PLOD2: variants seen among roughly 807,000 people sequenced by gnomAD.
PLOD2 encodes lysine hydroxylase 2.
Under a neutral mutation model 101.0 loss-of-function variants are expected in PLOD2, and 65 were observed. The observed-to-expected ratio is 0.64, with a 90% CI of 0.53 to 0.79. PLOD2 has a LOEUF of 0.79. PLOD2 is among the 30% of genes least tolerant of loss of function. PLOD2 has a pLI of 0.00. For missense variants in PLOD2, 909 were observed against 914.6 expected (o/e 0.99, Z 0.08); for synonymous variants, 314 against 302.9 (o/e 1.04, Z -0.38).
At chr3:146,137,896 C>T (rs757240969) in intron 1 of PLOD2, among the ~76,000 whole-genome samples, 5 of 152,000 alleles carry the variant, frequency 3.3e-5, no homozygotes, top group East Asian at 3.9e-4. Flanking sequence ...TGAAGGGCAA[C>T]GATAAATCAC....
At chr3:146,147,751 A>G (rs1010093150) in intron 1 of PLOD2, among the ~76,000 whole-genome samples, 2 of 152,188 alleles carry the variant, frequency 1.3e-5, no homozygotes, top group Non-Finnish European at 2.9e-5. Context: ...CAAGAAAAAT[A>G]ATTTCAGAAA....
chr3:146,138,640 C>A (rs1237198006), intron 1 of PLOD2, among the ~76,000 whole-genome samples: 1 of 152,000 alleles, frequency 6.6e-6, no homozygotes, highest in Non-Finnish European at 1.5e-5. Flanking sequence ...AGAGACTATG[C>A]AAGGGAAAAT....
At position 146,160,969 on chromosome 3, in the gene PLOD2, C is replaced by T. The variant is rs765885644; in HGVS notation, c.21G>A (p.Lys7=). 1.3e-6 allele frequency: 2 copies of T among 1,591,862 alleles called. No individual in the cohort carries two copies. Among genetic ancestry groups the T allele is most frequent in the East Asian group, 2.3e-5 (1 of 43,848 alleles). ...CGAGCGCCAGGAGCAGCAGCTGAGG[C>T]TTCACCGTGCATCCCCCCATATTCG... MGGCTV[K]PQLLLLALVL... The change falls in exon 1 of 20, where the codon AAG becomes AAA. Residue 7 remains lysine, a synonymous_variant. Coordinates refer to ENST00000282903, the MANE Select transcript of PLOD2 (RefSeq NM_182943.3).
At chr3:146,095,777 AT>A (rs1421645670) in intron 7 of PLOD2, among the ~76,000 whole-genome samples, 1 of 152,020 alleles carries the variant, frequency 6.6e-6, no homozygotes, top group Non-Finnish European at 1.5e-5. Flanking sequence ...TTGCAGCACT[AT>A]TTACAATAGC....
chr3:146,149,237 G>A (rs563906178), intron 1 of PLOD2, among the ~76,000 whole-genome samples: 18 of 152,174 alleles, frequency 1.2e-4, no homozygotes, highest in Admixed American at 2.0e-4. Context: ...ACTCTTTTTC[G>A]AAAGAAGTTT....
chr3:146,125,732 G>A (rs758508596), intron 1 of PLOD2, among the ~76,000 whole-genome samples: 28 of 151,958 alleles, frequency 1.8e-4, no homozygotes, highest in Non-Finnish European at 4.0e-4. Flanking sequence ...AGGTGATGAG[G>A]CCCTAGTAAA....
At chr3:146,081,572 T>C (rs1936541628) in intron 12 of PLOD2, among the ~76,000 whole-genome samples, 166 bp downstream of exon 12, 1 of 152,162 alleles carries the variant, frequency 6.6e-6, no homozygotes, top group East Asian at 1.9e-4. Flanking sequence ...TTTTAAGATA[T>C]TAGTTTTATA....
chr3:146,148,338 G>GCGCGCACACA (rs71633958), intron 1 of PLOD2, among the ~76,000 whole-genome samples: 11 of 146,544 alleles, frequency 7.5e-5, no homozygotes, highest in African/African-American at 2.8e-4. Context: ...AGGCAGGCAC[G>GCGCGCACACA]CACACACACA....
chr3:146,103,256 A>T (rs1200576259), intron 6 of PLOD2, among the ~76,000 whole-genome samples: 2 of 152,178 alleles, frequency 1.3e-5, no homozygotes, highest in African/African-American at 2.4e-5. Context: ...GGTTATTATG[A>T]AGATAATAAC....
intron 3 of PLOD2, among the ~76,000 whole-genome samples, chr3:146,115,088 C>T (rs1017050018): frequency 3.9e-5 from 6 of 152,118 alleles, no homozygotes; most frequent in African/African-American, 1.2e-4. Flanking sequence ...ATGTCTCCCC[C>T]GGACACCCAG....
At chr3:146,099,249 T>A (rs1353012162) in intron 7 of PLOD2, among the ~76,000 whole-genome samples, 1 of 152,178 alleles carries the variant, frequency 6.6e-6, no homozygotes, top group East Asian at 1.9e-4. Context: ...TTAGTGCTCC[T>A]TTTCTTGTGA....
In PLOD2 at chr3:146,113,751, G is replaced by A. The variant is rs116040247; in HGVS notation, c.339-3303C>T. On this transcript the variant is annotated intron_variant, in intron 3 of 19. Coordinates refer to ENST00000282903, the MANE Select transcript of PLOD2 (RefSeq NM_182943.3). ...ACTGTGCAAATCGTTAGTAAATCAT[G>A]TGTGTTTAAACAATATGAAATCTGG... Among the ~76,000 whole-genome samples, 1,378 of 152,214 alleles carry A rather than the reference G, an allele frequency of 9.1e-3. 15 individuals are homozygous for A. The highest frequency in any genetic ancestry group is 0.031 in the African/African-American group (1,304 of 41,512).
At chr3:146,128,904 T>G (rs978843753) in intron 1 of PLOD2, among the ~76,000 whole-genome samples, 38 of 143,334 alleles carry the variant, frequency 2.7e-4, no homozygotes, top group African/African-American at 9.6e-4. Flanking sequence ...TTTTTTTTTT[T>G]TTTTTGAGAC....
At chr3:146,124,013 A>C (rs1336041053) in intron 2 of PLOD2, 125 bp downstream of exon 2, 1 of 672,134 alleles carries the variant, frequency 1.5e-6, no homozygotes, top group South Asian at 1.6e-5. Context: ...AACTACATGA[A>C]CTAACAGTAA....
chr3:146,148,959 A>C (rs7613150), intron 1 of PLOD2, among the ~76,000 whole-genome samples: 5 of 152,088 alleles, frequency 3.3e-5, no homozygotes, highest in African/African-American at 4.8e-5. Context: ...TGCTACAACC[A>C]CAATAAGCAT....
intron 8 of PLOD2, among the ~76,000 whole-genome samples, chr3:146,090,428 T>C (rs1403628944): frequency 6.6e-6 from 1 of 151,490 alleles, no homozygotes; most frequent in Non-Finnish European, 1.5e-5. Context: ...AAAGAAAAAA[T>C]GTTAATATAA....
rs144061649 is a variant in PLOD2, at chr3:146,157,642, C to T, written c.109+3239G>A. The stretch of plus-strand genomic sequence containing the variant: ...TACAATCAGAGTTTATTTTAAGATG[C>T]TTTGTCCCATGTGTTGGATAGAAAA... On this transcript the variant is annotated intron_variant, in intron 1 of 19. Coordinates refer to ENST00000282903, the MANE Select transcript of PLOD2 (RefSeq NM_182943.3). 2.8e-3 allele frequency among the ~76,000 whole-genome samples: 424 copies of T among 152,270 alleles called. 2 individuals carry two copies. Among genetic ancestry groups the T allele is most frequent in the African/African-American group, 9.7e-3 (405 of 41,562 alleles).
chr3:146,086,277 C>A (rs1446117663), intron 10 of PLOD2: 3 of 152,272 alleles, frequency 2.0e-5, no homozygotes, highest in South Asian at 2.1e-4. Flanking sequence ...ATTGAATACA[C>A]GATTTTTTTT....
In PLOD2 at chr3:146,143,281, CT is replaced by C. The variant is rs570809837; in HGVS notation, c.109+17599del. On this transcript the variant is annotated intron_variant, in intron 1 of 19. Coordinates refer to ENST00000282903, the MANE Select transcript of PLOD2 (RefSeq NM_182943.3). ...CACCAGAGTAACTCGTGTTTACAAT[CT>C]ATGTAAACATGAGTGAGAATATAAA... 1.9e-3 allele frequency among the ~76,000 whole-genome samples: 275 copies of C among 147,780 alleles called. 1 individual carries two copies. Among genetic ancestry groups the C allele is most frequent in the African/African-American group, 6.5e-3 (264 of 40,454 alleles).
Sources: allele counts gnomAD v4.1 joint callset (sites outside exome capture counted in the v4.1 genomes callset), GRCh38; gene constraint gnomAD v4.1.1; transcripts MANE v1.5; gene names NCBI Gene and HGNC (gene_info 2026-07-23, HGNC 2026-07-21).